The following FAAH2 variants were observed in gnomAD, a reference collection of about 807,000 sequenced individuals.
FAAH2 encodes fatty-acid amide hydrolase 2.
FAAH2 carries 60 observed loss-of-function variants against 36.9 expected under a neutral mutation model. The observed-to-expected ratio is 1.63, with a 90% CI of 1.32 to 2.02. The LOEUF is 2.02. FAAH2 is among the 30% of genes most tolerant of loss of function. The probability of loss-of-function intolerance (pLI) is 0.00; values close to 1 mark genes in which losing one functional copy is unlikely to be tolerated. For missense variants in FAAH2, 689 were observed against 397.5 expected (o/e 1.73, Z -6.23); for synonymous variants, 214 against 143.8 (o/e 1.49, Z -3.49).
intron 10 of FAAH2, among the ~76,000 whole-genome samples, chrX:57,459,927 A>G (rs942865551): frequency 9.0e-6 from 1 of 111,505 alleles, no homozygotes; most frequent in African/African-American, 3.3e-5. Context: ...CAAAAACAAG[A>G]ATGCCTCTTC....
intron 2 of FAAH2, among the ~76,000 whole-genome samples, chrX:57,305,385 C>A (rs1453833702): frequency 9.0e-6 from 1 of 111,251 alleles, no homozygotes; most frequent in African/African-American, 3.3e-5. Flanking sequence ...CACATTCTAA[C>A]CTTCTAATAT....
rs376626616 is a variant in FAAH2 at position 57,474,567 on chromosome X, C to T, written c.1424-14190C>T. Among the ~76,000 whole-genome samples, 13 of 111,926 alleles carry T rather than the reference C, an allele frequency of 1.2e-4. No individual in the cohort carries two copies. The East Asian group carries it at 3.4e-3, about 29-fold the overall frequency. ...TCTTTTTTATGGCTGCATAGTATTC[C>T]ATGATATATATGTGCCATGTTTTCT... On this transcript the variant is annotated intron_variant, in intron 10 of 10. Coordinates refer to ENST00000374900, the MANE Select transcript of FAAH2 (RefSeq NM_174912.4).
At chrX:57,314,485 T>TC (rs1357973327) in intron 3 of FAAH2, among the ~76,000 whole-genome samples, 1 of 111,408 alleles carries the variant, frequency 9.0e-6, no homozygotes, top group African/African-American at 3.3e-5. Context: ...CAGTCATACT[T>TC]CAAGTCTCAA....
At chrX:57,323,159 G>C (rs148450052) in intron 3 of FAAH2, among the ~76,000 whole-genome samples, 212 of 110,578 alleles carry the variant, frequency 1.9e-3, no homozygotes, top group Non-Finnish European at 3.6e-3. Context: ...CAAAGGACAT[G>C]AACTCATCCT....
the FAAH2 span, among the ~76,000 whole-genome samples, chrX:57,144,892 ATATATATGTATG>A: frequency 3.0e-5 from 3 of 99,979 alleles, no homozygotes; most frequent in African/African-American, 4.0e-5. Flanking sequence ...CTATATATAT[ATATATATGTATG>A]TATATGTATG....
chrX:57,449,075 G>A (rs771033491), intron 10 of FAAH2, among the ~76,000 whole-genome samples: 1 of 111,610 alleles, frequency 9.0e-6, no homozygotes, highest in Admixed American at 9.6e-5. Context: ...AGGATCTGTG[G>A]CTTCCCAGAA....
intron 3 of FAAH2, among the ~76,000 whole-genome samples, chrX:57,320,146 A>C (rs1162551006): frequency 8.9e-6 from 1 of 112,122 alleles, no homozygotes; most frequent in Non-Finnish European, 1.9e-5. Flanking sequence ...AAAAAATGGC[A>C]ACAAAAGCCA....
chrX:57,347,840 CA>C (rs1403841660), intron 5 of FAAH2, among the ~76,000 whole-genome samples: 1 of 108,414 alleles, frequency 9.2e-6, no homozygotes, highest in Non-Finnish European at 1.9e-5. Flanking sequence ...TGTATACTGG[CA>C]AAAAATTTTT....
At chrX:57,383,987 T>A (rs1437511601) in intron 7 of FAAH2, among the ~76,000 whole-genome samples, 1 of 111,282 alleles carries the variant, frequency 9.0e-6, no homozygotes, top group African/African-American at 3.3e-5. Context: ...TATAGCCCAA[T>A]GGAACAGAAC....
chrX:57,210,004 G>C, the FAAH2 span, among the ~76,000 whole-genome samples: 1 of 109,773 alleles, frequency 9.1e-6, no homozygotes, highest in South Asian at 4.1e-4. Context: ...TCTCCTCAAT[G>C]CACAGAAATG....
chrX:57,182,903 G>A, the FAAH2 span, among the ~76,000 whole-genome samples: 1 of 110,979 alleles, frequency 9.0e-6, no homozygotes, highest in Non-Finnish European at 1.9e-5. Context: ...TACATAGTTG[G>A]AGCTGGAGGC....
chrX:57,295,746 TCACTC>T (rs1174611448), intron 2 of FAAH2, among the ~76,000 whole-genome samples: 1 of 111,730 alleles, frequency 9.0e-6, no homozygotes, highest in East Asian at 2.8e-4. Context: ...GAAAATCGGG[TCACTC>T]CCACCCTAAT....
chrX:57,162,295 T>G, the FAAH2 span, among the ~76,000 whole-genome samples: 2 of 111,704 alleles, frequency 1.8e-5, no homozygotes, highest in Middle Eastern at 4.2e-3. Context: ...CCCTTAACAT[T>G]TTTTCCTTCA....
the FAAH2 span, among the ~76,000 whole-genome samples, chrX:57,208,584 C>T: frequency 1.2e-3 from 137 of 111,621 alleles, no homozygotes; most frequent in African/African-American, 4.4e-3. Context: ...AACTCAGCAG[C>T]GCTAGAGGAA....
the FAAH2 span, among the ~76,000 whole-genome samples, chrX:57,197,727 C>T: frequency 9.0e-6 from 1 of 111,409 alleles, no homozygotes; most frequent in Non-Finnish European, 1.9e-5. Context: ...GTGGTGTGAT[C>T]CATTTACAGG....
chrX:57,375,322 G>T (rs1302469764), intron 5 of FAAH2, among the ~76,000 whole-genome samples: 1 of 102,439 alleles, frequency 9.8e-6, no homozygotes, highest in Non-Finnish European at 2.0e-5. Flanking sequence ...ATGTCTGGTA[G>T]AATTCAGCTG....
the FAAH2 span, among the ~76,000 whole-genome samples, chrX:57,177,011 C>T: frequency 9.1e-6 from 1 of 109,924 alleles, no homozygotes; most frequent in African/African-American, 3.3e-5. Context: ...GTAGTTTGCA[C>T]TTAAAAAAAA....
chrX:57,255,102 C>T, the FAAH2 span, among the ~76,000 whole-genome samples: 8 of 111,227 alleles, frequency 7.2e-5, no homozygotes, highest in South Asian at 3.8e-4. Flanking sequence ...CTATCACCAC[C>T]GATCCCACAG....
chrX:57,232,624 G>A, the FAAH2 span, among the ~76,000 whole-genome samples: 7 of 111,897 alleles, frequency 6.3e-5, no homozygotes, highest in Admixed American at 1.9e-4. Context: ...AGTCTCTCTC[G>A]TAACTAAGAT....
Sources: gnomAD v4.1 joint callset for allele counts (sites outside exome capture counted in the v4.1 genomes callset) on GRCh38, gnomAD v4.1.1 for gene constraint, MANE v1.5 for transcripts, NCBI Gene and HGNC (gene_info 2026-07-23, HGNC 2026-07-21) for gene names.